Variants in CDH13 observed in about 807,000 individuals in gnomAD.
CDH13 encodes cadherin 13, also known as cadherin-13.
In CDH13, 24 loss-of-function variants were observed where a neutral mutation model predicts 63.8. The observed-to-expected ratio is 0.38, with a 90% CI of 0.27 to 0.53. The LOEUF (loss-of-function observed/expected upper bound fraction) is 0.53. CDH13 is among the 20% of genes least tolerant of loss of function. CDH13 has a pLI of 0.85. For missense variants in CDH13, 1,049 were observed against 903.1 expected (o/e 1.16, Z -2.07); for synonymous variants, 503 against 355.3 (o/e 1.42, Z -4.67).
intron 6 of CDH13, among the ~76,000 whole-genome samples, chr16:83,349,365 T>A (rs891069614): frequency 9.9e-5 from 15 of 152,128 alleles, no homozygotes; most frequent in African/African-American, 3.6e-4. Flanking sequence ...CAAGGCCCCA[T>A]CATGTCTTGT....
At chr16:82,902,397 A>G (rs1342499244) in intron 2 of CDH13, among the ~76,000 whole-genome samples, 1 of 152,132 alleles carries the variant, frequency 6.6e-6, no homozygotes, top group Non-Finnish European at 1.5e-5. Flanking sequence ...AGAAAAAAAA[A>G]AAAAAGTCCC....
chr16:82,694,891 C>G (rs1382133122), intron 1 of CDH13, among the ~76,000 whole-genome samples: 1 of 152,122 alleles, frequency 6.6e-6, no homozygotes, highest in Non-Finnish European at 1.5e-5. Context: ...CTTGGGTATT[C>G]TTACTGAGCA....
At chr16:83,130,321 C>A (rs972456127) in intron 4 of CDH13, among the ~76,000 whole-genome samples, 7 of 152,218 alleles carry the variant, frequency 4.6e-5, no homozygotes, top group African/African-American at 1.7e-4. Context: ...TAGTTCATAA[C>A]AGAGCCAAGC....
At chr16:83,337,662 AGT>A (rs755530862) in intron 5 of CDH13, among the ~76,000 whole-genome samples, 1 of 109,726 alleles carries the variant, frequency 9.1e-6, no homozygotes, top group East Asian at 2.9e-4. Flanking sequence ...CTTTTCAGAA[AGT>A]GTGTAGTGTC....
At position 83,529,042 on chromosome 16, in the gene CDH13, G is replaced by A. The variant is rs181050649; in HGVS notation, c.960+42387G>A. 4.6e-5 allele frequency among the ~76,000 whole-genome samples: 7 copies of A among 151,766 alleles called. No homozygotes were observed. In the East Asian group the frequency reaches 1.4e-3, roughly 29 times the overall value. The stretch of plus-strand genomic sequence containing the variant: ...AGTATGAAAATCTCAGATTAGAAGA[G>A]AAGATGGAGGTCATTCCACCCAAAC... On this transcript the variant is annotated intron_variant, in intron 7 of 13. Transcript: ENST00000567109.
At chr16:83,133,665 A>G (rs973416046) in intron 4 of CDH13, among the ~76,000 whole-genome samples, 2 of 151,978 alleles carry the variant, frequency 1.3e-5, no homozygotes, top group Non-Finnish European at 2.9e-5. Context: ...TGCCTGGCCA[A>G]CTTTTGTATT....
intron 3 of CDH13, among the ~76,000 whole-genome samples, chr16:83,044,604 C>T (rs1331464104): frequency 3.3e-5 from 5 of 152,170 alleles, no homozygotes; most frequent in African/African-American, 9.7e-5. Flanking sequence ...AAACGTCTTG[C>T]GTTTATATTT....
intron 4 of CDH13, among the ~76,000 whole-genome samples, chr16:83,139,110 A>G (rs1183361898): frequency 2.6e-5 from 4 of 152,134 alleles, no homozygotes; most frequent in Admixed American, 6.5e-5. Flanking sequence ...CCTCTTTGAA[A>G]TAAAAGAGAA....
intron 2 of CDH13, among the ~76,000 whole-genome samples, chr16:82,927,233 A>G (rs995918596): frequency 7.9e-5 from 12 of 152,100 alleles, no homozygotes; most frequent in Non-Finnish European, 1.6e-4. Context: ...TGACTTTACC[A>G]TATTTTATAG....
At chr16:83,274,732 G>T (rs1434629387) in intron 5 of CDH13, among the ~76,000 whole-genome samples, 1 of 152,064 alleles carries the variant, frequency 6.6e-6, no homozygotes. Context: ...TGGCAGGGGG[G>T]GTGTTTATTA....
intron 2 of CDH13, among the ~76,000 whole-genome samples, chr16:82,978,469 C>T (rs1227408474): frequency 2.0e-5 from 3 of 152,222 alleles, no homozygotes; most frequent in Non-Finnish European, 4.4e-5. Context: ...GCTTTGTGGG[C>T]CAGGCCCAAG....
chr16:82,710,722 G>T (rs2031872591), intron 1 of CDH13, among the ~76,000 whole-genome samples: 1 of 144,414 alleles, frequency 6.9e-6, no homozygotes, highest in Non-Finnish European at 1.5e-5. Flanking sequence ...TATATTGTAT[G>T]TTTATAAAAT....
intron 5 of CDH13, among the ~76,000 whole-genome samples, chr16:83,335,810 C>T (rs1006266535): frequency 7.9e-5 from 12 of 152,104 alleles, no homozygotes; most frequent in Admixed American, 6.5e-5. Context: ...CAATCGATCA[C>T]GACCCTCTCA....
intron 1 of CDH13, among the ~76,000 whole-genome samples, chr16:82,634,004 T>G (rs935188462): frequency 1.3e-5 from 2 of 152,250 alleles, no homozygotes; most frequent in African/African-American, 4.8e-5. Flanking sequence ...AAAACTAACA[T>G]TAACAACAGG....
At chr16:82,959,262 C>T (rs1453099953) in intron 2 of CDH13, among the ~76,000 whole-genome samples, 2 of 152,160 alleles carry the variant, frequency 1.3e-5, no homozygotes, top group Non-Finnish European at 2.9e-5. Context: ...CACAGGAAAG[C>T]GTTGGTTATG....
intron 3 of CDH13, among the ~76,000 whole-genome samples, chr16:83,076,013 A>C (rs1391985829): frequency 6.6e-6 from 1 of 152,234 alleles, no homozygotes; most frequent in Non-Finnish European, 1.5e-5. Flanking sequence ...TGTTAAGGGA[A>C]GTATGCAAAA....
chr16:83,220,827 C>T (rs1245550325), intron 5 of CDH13, among the ~76,000 whole-genome samples: 1 of 152,208 alleles, frequency 6.6e-6, no homozygotes, highest in African/African-American at 2.4e-5. Context: ...ATCTAAACCT[C>T]AGGGATTTGT....
intron 2 of CDH13, among the ~76,000 whole-genome samples, chr16:82,895,524 A>T (rs934566580): frequency 6.6e-6 from 1 of 152,166 alleles, no homozygotes; most frequent in Non-Finnish European, 1.5e-5. Context: ...TTGACACACA[A>T]TTACCAACCA....
intron 7 of CDH13, among the ~76,000 whole-genome samples, chr16:83,563,579 A>G (rs1200029110): frequency 6.6e-6 from 1 of 152,118 alleles, no homozygotes; most frequent in Non-Finnish European, 1.5e-5. Flanking sequence ...AATGTGCTTG[A>G]TTTGGTGGAA....
Sources: gnomAD v4.1 joint callset for allele counts (sites outside exome capture counted in the v4.1 genomes callset) on GRCh38, gnomAD v4.1.1 for gene constraint, MANE v1.5 for transcripts, NCBI Gene and HGNC (gene_info 2026-07-23, HGNC 2026-07-21) for gene names.